RANBP3: variants seen among roughly 807,000 people sequenced by gnomAD.
The protein encoded by RANBP3 is RAN binding protein 3, also known as ran-binding protein 3.
In RANBP3, 14 loss-of-function variants were observed where a neutral mutation model predicts 77.3. The observed-to-expected ratio is 0.18, with a 90% CI of 0.12 to 0.28. The LOEUF (loss-of-function observed/expected upper bound fraction) is 0.28. Ranked by LOEUF, RANBP3 falls within the 10% of genes least tolerant of loss-of-function variation. The pLI is 1.00. For synonymous variants in RANBP3, 315 were observed against 312.4 expected (o/e 1.01, Z -0.09); for missense variants, 586 against 752.3 (o/e 0.78, Z 2.59).
At chr19:5,926,321 G>A (rs2057909442) in intron 9 of RANBP3, among the ~76,000 whole-genome samples, 2 of 152,012 alleles carry the variant, frequency 1.3e-5, no homozygotes, top group Non-Finnish European at 2.9e-5. Context: ...CTGAGGCGGC[G>A]GGGAATCACT....
intron 6 of RANBP3, 60 bp from the exon 7 acceptor site, chr19:5,932,604 C>A: frequency 7.4e-7 from 1 of 1,351,304 alleles, no homozygotes; most frequent in South Asian, 1.2e-5. Flanking sequence ...CCAGGCGCTT[C>A]AGAGACTGAC....
rs1448766806 is a variant in RANBP3 at position 5,917,279 on chromosome 19, C to T, written c.*331G>A. ...CAGGGGCTCTGGCTGGACCCAGAGGCTGGCGACACGCGGGGTGAAGGAACG... is the reference window on the plus strand; with the variant it reads ...CAGGGGCTCTGGCTGGACCCAGAGGTTGGCGACACGCGGGGTGAAGGAACG... On this transcript the variant is annotated 3_prime_UTR_variant, in exon 17 of 17. Transcript: ENST00000340578. The T allele has an allele frequency of 2.5e-6, 1 of 394,816 alleles. No individual in the cohort carries two copies. Among genetic ancestry groups the T allele is most frequent in the Non-Finnish European group, 4.6e-6 (1 of 215,130 alleles). 24.5% of individuals were successfully genotyped at this position (394,816 alleles called of 1,614,324 possible).
intron 1 of RANBP3, among the ~76,000 whole-genome samples, chr19:5,967,694 A>G (rs930688535): frequency 1.3e-5 from 2 of 152,142 alleles, no homozygotes; most frequent in Non-Finnish European, 2.9e-5. Flanking sequence ...CAGAAACCCC[A>G]TAAAGTTATA....
intron 13 of RANBP3, among the ~76,000 whole-genome samples, chr19:5,922,484 G>A (rs2057835547): frequency 6.6e-6 from 1 of 152,234 alleles, no homozygotes; most frequent in Non-Finnish European, 1.5e-5. Flanking sequence ...AGCAGGAATG[G>A]GGGATGCCAG....
intron 14 of RANBP3, 119 bp from the exon 15 acceptor site, chr19:5,918,757 C>T (rs1162810463): frequency 2.4e-6 from 3 of 1,258,218 alleles, no homozygotes. Flanking sequence ...AGCCCATGAT[C>T]CTCCCAGGAC....
chr19:5,936,489 C>T (rs552483357), intron 5 of RANBP3, among the ~76,000 whole-genome samples: 27 of 152,262 alleles, frequency 1.8e-4, no homozygotes, highest in African/African-American at 6.5e-4. Flanking sequence ...GCTCTGTCCG[C>T]GGAGGGCCGG....
chr19:5,947,672 C>G (rs2058223876), intron 3 of RANBP3, among the ~76,000 whole-genome samples: 1 of 152,242 alleles, frequency 6.6e-6, no homozygotes, highest in African/African-American at 2.4e-5. Context: ...TGAAGCAGCC[C>G]TCCCGCGGCT....
intron 3 of RANBP3, among the ~76,000 whole-genome samples, chr19:5,947,036 G>A (rs1044710880): frequency 1.3e-5 from 2 of 152,192 alleles, no homozygotes; most frequent in African/African-American, 2.4e-5. Context: ...GCTCCAGGCC[G>A]GGCACGGTGG....
chr19:5,975,791 G>A (rs1308496451), intron 1 of RANBP3, among the ~76,000 whole-genome samples: 1 of 151,404 alleles, frequency 6.6e-6, no homozygotes, highest in Non-Finnish European at 1.5e-5. Flanking sequence ...ACCAGAAGAA[G>A]TGAGCCATGG....
At chr19:5,975,607 C>T (rs967194373) in intron 1 of RANBP3, among the ~76,000 whole-genome samples, 1 of 148,884 alleles carries the variant, frequency 6.7e-6, no homozygotes, top group Admixed American at 6.9e-5. Flanking sequence ...ACATAAAAAT[C>T]CCTGACCTCA....
chr19:5,959,727 T>C lies in RANBP3; in HGVS notation c.23-1754A>G, dbSNP rs2058377074. ...GACTCTGGGACAGAGCAGCAGCGTA[T>C]CCACACCATGTGTGCCACCAGGATC... On this transcript the variant is annotated intron_variant, in intron 1 of 16. Transcript: ENST00000340578. This position sits in a 1 kb window ranked among gnomAD's most constrained non-coding sequence, Gnocchi z 5.1. Among the ~76,000 whole-genome samples, 1 of 152,066 alleles carries C rather than the reference T, an allele frequency of 6.6e-6. No individual in the cohort carries two copies. The highest frequency in any genetic ancestry group is 2.4e-5 in the African/African-American group (1 of 41,396).
At chr19:5,977,303 G>A (rs1159511513) in intron 1 of RANBP3, among the ~76,000 whole-genome samples, 6 of 152,210 alleles carry the variant, frequency 3.9e-5, no homozygotes, top group Admixed American at 1.3e-4. Flanking sequence ...GTGCCTTCTC[G>A]GGGGATCTGG....
At chr19:5,968,620 G>C (rs556244992) in intron 1 of RANBP3, among the ~76,000 whole-genome samples, 2 of 152,232 alleles carry the variant, frequency 1.3e-5, no homozygotes, top group East Asian at 3.8e-4. Flanking sequence ...CCCCTTTTAG[G>C]GGGTGGAATG....
chr19:5,917,665 C>T lies in RANBP3; in HGVS notation c.1661-12G>A, dbSNP rs1017331013. 8 of 1,605,618 alleles carry T rather than the reference C, an allele frequency of 5.0e-6. No homozygotes were observed. The highest frequency in any genetic ancestry group is 6.8e-6 in the Non-Finnish European group (8 of 1,178,762). On this transcript the variant is annotated splice_polypyrimidine_tract_variant and intron_variant, in intron 16 of 16. Transcript: ENST00000340578. ...TTCGTCACCAGCACCTGCAGGGAAG[C>T]AGCAGCCCCGCATCAGGATGGAGCC...
chr19:5,953,275 C>T lies in RANBP3; in HGVS notation c.79-1679G>A, dbSNP rs138705326. 8.2e-4 allele frequency among the ~76,000 whole-genome samples: 125 copies of T among 152,308 alleles called. 2 individuals carry two copies. In the East Asian group the frequency reaches 0.017, roughly 21 times the overall value. ...CCTAGCATTTCTCCTGGGCAGGAAT[C>T]GTAAGCTCTAAAGAACTAAGGTGAA... On this transcript the variant is annotated intron_variant, in intron 2 of 16. Coordinates refer to ENST00000340578, the MANE Select transcript of RANBP3 (RefSeq NM_007322.3).
chr19:5,935,478 C>T (rs979253587), intron 5 of RANBP3, among the ~76,000 whole-genome samples: 5 of 152,272 alleles, frequency 3.3e-5, no homozygotes, highest in Non-Finnish European at 7.3e-5. Flanking sequence ...AATTTAGATA[C>T]ATTTTTAAAA....
At chr19:5,975,037 G>A (rs546523774) in intron 1 of RANBP3, among the ~76,000 whole-genome samples, 1 of 152,320 alleles carries the variant, frequency 6.6e-6, no homozygotes, top group Non-Finnish European at 1.5e-5. Context: ...AGCTTAAACA[G>A]CAAGAACAAA....
Position 5,932,548 on chromosome 19 carries a change from G to C in RANBP3, c.473-4C>G, listed in dbSNP as rs2058007317. On this transcript the variant is annotated splice_polypyrimidine_tract_variant and splice_region_variant and intron_variant, in intron 6 of 16. Coordinates refer to ENST00000340578, the MANE Select transcript of RANBP3 (RefSeq NM_007322.3). ...TTGGGCTTCTGGCTTGGCAGACCTAGGAACAGAAGGCGGCCTTCCCAGTGC... is the reference window on the plus strand; with the variant it reads ...TTGGGCTTCTGGCTTGGCAGACCTACGAACAGAAGGCGGCCTTCCCAGTGC... 1 of 1,613,038 alleles carries C rather than the reference G, an allele frequency of 6.2e-7. No individual in the cohort carries two copies. Among genetic ancestry groups the C allele is most frequent in the African/African-American group, 1.3e-5 (1 of 74,942 alleles).
chr19:5,924,040 A>T lies in RANBP3; in HGVS notation c.997-126T>A. On this transcript the variant is annotated intron_variant, in intron 11 of 16. Transcript: ENST00000340578. This position sits in a 1 kb window ranked among gnomAD's most constrained non-coding sequence, Gnocchi z 4.7. ...CCAGCACTCCTGCCCACTCCCGGTG[A>T]CACCCTGAACTGCCTGGGAGCTCCC... 1.4e-6 allele frequency: 1 copy of T among 702,746 alleles called. No individual in the cohort carries two copies. The highest frequency in any genetic ancestry group is 2.4e-5 in the Admixed American group (1 of 41,356). The allele number at this position is 702,746 out of a possible 1,614,324, so 43.5% of individuals were successfully genotyped here.
Sources: gnomAD v4.1 joint callset for allele counts (sites outside exome capture counted in the v4.1 genomes callset) on GRCh38, gnomAD v4.1.1 for gene constraint, Gnocchi (gnomAD v3.1) non-coding constraint, MANE v1.5 for transcripts, NCBI Gene and HGNC (gene_info 2026-07-23, HGNC 2026-07-21) for gene names.